LARP1B: variants seen among roughly 807,000 people sequenced by gnomAD.
LARP1B encodes La ribonucleoprotein 1B.
Under a neutral mutation model 114.2 loss-of-function variants are expected in LARP1B, and 76 were observed. The observed-to-expected ratio is 0.67, with a 90% CI of 0.55 to 0.81. LARP1B has a LOEUF of 0.81. LARP1B is among the 30% of genes least tolerant of loss of function. LARP1B has a pLI of 0.00. For synonymous variants in LARP1B, 345 were observed against 348.0 expected, an observed-to-expected ratio of 0.99 and a Z score of 0.10; for missense variants, 1,014 against 1,075.8, an observed-to-expected ratio of 0.94 and a Z score of 0.80.
At chr4:128,212,197 T>G (rs907069286), downstream of LARP1B, among the ~76,000 whole-genome samples, 10 of 152,122 alleles carry the variant, frequency 6.6e-5, no homozygotes, top group African/African-American at 2.4e-4. Context: ...ACAGGCATGA[T>G]GAGCCACCGT....
intron 8 of LARP1B, among the ~76,000 whole-genome samples, chr4:128,099,627 A>T (rs1031006813): frequency 2.1e-4 from 32 of 151,968 alleles, no homozygotes; most frequent in African/African-American, 7.3e-4. Flanking sequence ...ACCACAGTTT[A>T]TCCATTCACT....
chr4:128,107,631 A>G, intron 9 of LARP1B: 1 of 1,410,076 alleles, frequency 7.1e-7, no homozygotes, highest in Non-Finnish European at 9.2e-7. Context: ...GTAAAATTGG[A>G]ATAGTATGAT....
chr4:128,098,785 T>A (rs1779200318), intron 8 of LARP1B, among the ~76,000 whole-genome samples: 1 of 72,386 alleles, frequency 1.4e-5, no homozygotes, highest in African/African-American at 5.0e-5. Flanking sequence ...TTTTTTTTTT[T>A]TTTTTTTTTT....
intron 5 of LARP1B, among the ~76,000 whole-genome samples, chr4:128,083,388 G>T (rs1295891777): frequency 3.3e-5 from 5 of 151,738 alleles, no homozygotes; most frequent in African/African-American, 1.2e-4. Context: ...TCCCAGTAGG[G>T]GCGGCTGGGC....
At chr4:128,201,886 C>G (rs897018666) in intron 17 of LARP1B, among the ~76,000 whole-genome samples, 1 of 152,150 alleles carries the variant, frequency 6.6e-6, no homozygotes, top group African/African-American at 2.4e-5. Flanking sequence ...ACTTACCCTT[C>G]TTTAAGTTCT....
At chr4:128,098,801 A>G (rs868375739) in intron 8 of LARP1B, among the ~76,000 whole-genome samples, 1 of 88,330 alleles carries the variant, frequency 1.1e-5, no homozygotes, top group African/African-American at 4.6e-5. Flanking sequence ...TTTTTAAGAC[A>G]GTGTCTCACT....
Position 128,122,589 on chromosome 4 carries a change from A to G in LARP1B, c.1524+401A>G, listed in dbSNP as rs148739336. 7,177 of 1,500,932 alleles carry G rather than the reference A, an allele frequency of 4.8e-3. 34 individuals carry two copies. Among genetic ancestry groups the G allele is most frequent in the Non-Finnish European group, 5.4e-3 (6,109 of 1,134,524 alleles). The allele number at this position is 1,500,932 out of a possible 1,614,324, so 93.0% of individuals were successfully genotyped here. A position where few individuals can be genotyped will look rare whatever the true frequency, so the allele number is the denominator to read the frequency against. On this transcript the variant is annotated intron_variant, in intron 11 of 19. Transcript: ENST00000326639. ...CTTACCTGGCTCTCACCGCAGCTGT[A>G]TGAGCCAGTGGCTTTAGAGAGCACT...
intron 3 of LARP1B, among the ~76,000 whole-genome samples, chr4:128,076,279 A>G (rs1465320412): frequency 1.3e-5 from 2 of 152,226 alleles, no homozygotes; most frequent in Non-Finnish European, 2.9e-5. Context: ...TGCTGGGATT[A>G]CAGGCGTGAG....
intron 11 of LARP1B, among the ~76,000 whole-genome samples, chr4:128,134,407 G>A (rs1257677645): frequency 1.3e-5 from 2 of 152,148 alleles, no homozygotes; most frequent in South Asian, 4.1e-4. Flanking sequence ...GTAAAAGAAG[G>A]AAGTTAGATC....
At position 128,091,147 on chromosome 4, in the gene LARP1B, A is replaced by G. The variant is rs761553318; in HGVS notation, c.502+3A>G. On this transcript the variant is annotated splice_donor_region_variant and intron_variant, in intron 6 of 19. Coordinates refer to ENST00000326639, the MANE Select transcript of LARP1B (RefSeq NM_018078.4). ...ACGAGGCAGAGGAAATCCTCGATGT[A>G]TGACATAATTTTTGTTTCGTTAAAT... 31 of 1,607,762 alleles carry G rather than the reference A, an allele frequency of 1.9e-5. No homozygotes were observed. Among genetic ancestry groups the G allele is most frequent in the African/African-American group, 4.0e-5 (3 of 74,564 alleles).
intron 15 of LARP1B, among the ~76,000 whole-genome samples, chr4:128,189,276 T>G (rs971581420): frequency 6.6e-6 from 1 of 150,952 alleles, no homozygotes; most frequent in Non-Finnish European, 1.5e-5. Context: ...TTTTTTTTTT[T>G]TTTACAGACT....
intron 1 of LARP1B, among the ~76,000 whole-genome samples, chr4:128,070,061 G>A (rs559096321): frequency 4.6e-5 from 7 of 152,290 alleles, no homozygotes; most frequent in African/African-American, 1.7e-4. Context: ...GCTCACACCC[G>A]TAATCCCAGC....
intron 15 of LARP1B, among the ~76,000 whole-genome samples, chr4:128,189,308 G>T (rs1480827104): frequency 1.1e-3 from 19 of 16,632 alleles, no homozygotes; most frequent in South Asian, 2.3e-3. Flanking sequence ...TATTTTGTTT[G>T]ATACAAGTAT....
chr4:128,173,951 A>G (rs1744883360), intron 12 of LARP1B, among the ~76,000 whole-genome samples: 1 of 152,202 alleles, frequency 6.6e-6, no homozygotes, highest in South Asian at 2.1e-4. Context: ...TGAGGCAACT[A>G]GTTATCTTTC....
At position 128,210,833 on chromosome 4, in the gene LARP1B, A is replaced by G. The variant is rs1219401245; in HGVS notation, c.*780A>G. ...GATTCTATATAAACGTGCACGAGTA[A>G]TTTAAAACCTGCATTGGGATTGATT... On this transcript the variant is annotated 3_prime_UTR_variant, in exon 20 of 20. Transcript: ENST00000326639. 2.0e-6 allele frequency: 2 copies of G among 983,982 alleles called. No homozygotes were observed. The highest frequency in any genetic ancestry group is 6.2e-5 in the Admixed American group (1 of 16,250). The allele number at this position is 983,982 out of a possible 1,614,324, so 61.0% of individuals were successfully genotyped here.
chr4:128,122,694 A>G, intron 11 of LARP1B: 1 of 1,312,004 alleles, frequency 7.6e-7, no homozygotes, highest in African/African-American at 1.5e-5. Context: ...GACAAACTAT[A>G]AATGACTAAA....
rs1035069385 is a variant in LARP1B, at chr4:128,121,929, T to C, written c.1265T>C (p.Ile422Thr). ...TTGTTTGATGAAGAGATTGAACAAATAGGACGAAAAAACACATTTACTGAT... is the reference window on the plus strand; with the variant it reads ...TTGTTTGATGAAGAGATTGAACAAACAGGACGAAAAAACACATTTACTGAT... ...DFLFDEEIEQ[I>T]GRKNTFTDWS... The change falls in exon 11 of 20, where the codon ATA becomes ACA. Residue 422 changes from isoleucine to threonine, a missense_variant. Transcript: ENST00000326639. 3 of 1,612,668 alleles carry C rather than the reference T, an allele frequency of 1.9e-6. No homozygotes were observed. The highest frequency in any genetic ancestry group is 1.3e-5 in the African/African-American group (1 of 74,978).
intron 19 of LARP1B, among the ~76,000 whole-genome samples, chr4:128,209,620 C>G (rs1758565257): frequency 6.6e-6 from 1 of 151,026 alleles, no homozygotes; most frequent in African/African-American, 2.4e-5. Flanking sequence ...CTAATACAAT[C>G]TGTGAGGCGG....
At chr4:128,145,522 A>G (rs1729947607) in intron 11 of LARP1B, among the ~76,000 whole-genome samples, 1 of 152,148 alleles carries the variant, frequency 6.6e-6, no homozygotes. Context: ...CCAGCCAAGG[A>G]CACACAGCAG....
Sources: gnomAD v4.1 joint callset for allele counts (sites outside exome capture counted in the v4.1 genomes callset) on GRCh38, gnomAD v4.1.1 for gene constraint, MANE v1.5 for transcripts, NCBI Gene and HGNC (gene_info 2026-07-23, HGNC 2026-07-21) for gene names.